The following ZCCHC7 variants were observed in gnomAD, a reference collection of about 807,000 sequenced individuals.
ZCCHC7 encodes zinc finger CCHC-type containing 7, also known as zinc finger CCHC domain-containing protein 7.
ZCCHC7 carries 35 observed loss-of-function variants against 52.0 expected under a neutral mutation model. The ratio of observed to expected loss-of-function variants is 0.67; its 90% CI spans 0.51 to 0.89. The LOEUF is 0.89. Ranked by LOEUF, ZCCHC7 falls within the 40% of genes least tolerant of loss-of-function variation. The pLI is 0.00. For missense variants in ZCCHC7, 574 were observed against 649.1 expected (o/e 0.88, Z 1.26); for synonymous variants, 217 against 221.5 (o/e 0.98, Z 0.18).
chr9:37,253,872 A>G (rs150804472), intron 2 of ZCCHC7, among the ~76,000 whole-genome samples: 19 of 152,112 alleles, frequency 1.2e-4, no homozygotes, highest in Non-Finnish European at 1.5e-4. Flanking sequence ...TCCTATCAAC[A>G]TATATTTTAA....
chr9:37,227,937 T>C (rs1028051263), intron 2 of ZCCHC7, among the ~76,000 whole-genome samples: 1 of 152,184 alleles, frequency 6.6e-6, no homozygotes, highest in East Asian at 1.9e-4. Context: ...CTGGGATTAC[T>C]GGTGCACACC....
chr9:37,290,828 T>TA (rs1828500524), intron 2 of ZCCHC7, among the ~76,000 whole-genome samples: 2 of 152,236 alleles, frequency 1.3e-5, no homozygotes, highest in South Asian at 4.1e-4. Context: ...CCTCCTGCCA[T>TA]ATCTTGAAAA....
At chr9:37,278,576 T>C (rs939398061) in intron 2 of ZCCHC7, among the ~76,000 whole-genome samples, 2 of 152,110 alleles carry the variant, frequency 1.3e-5, no homozygotes, top group Non-Finnish European at 2.9e-5. Context: ...GGGCCAAAAA[T>C]ATATTTAAAG....
chr9:37,288,535 A>G (rs1828375192), intron 2 of ZCCHC7, among the ~76,000 whole-genome samples: 1 of 151,926 alleles, frequency 6.6e-6, no homozygotes, highest in Non-Finnish European at 1.5e-5. Context: ...ATCATCAAAC[A>G]TTTGTCTATA....
chr9:37,320,054 A>G (rs748851066), intron 5 of ZCCHC7, among the ~76,000 whole-genome samples: 1 of 152,174 alleles, frequency 6.6e-6, no homozygotes, highest in Non-Finnish European at 1.5e-5. Context: ...GTCTTAAAAT[A>G]CATAGTGAGA....
chr9:37,120,416 A>C (rs548247377), upstream of ZCCHC7: 41 of 392,808 alleles, frequency 1.0e-4, no homozygotes, highest in African/African-American at 2.1e-4. Flanking sequence ...GGGGCAGAGA[A>C]CGGTTCGCAC....
At chr9:37,339,686 T>C (rs1173064455) in intron 6 of ZCCHC7, among the ~76,000 whole-genome samples, 2 of 152,212 alleles carry the variant, frequency 1.3e-5, no homozygotes, top group African/African-American at 4.8e-5. Context: ...AGGTATTTAA[T>C]ATATTTGCTT....
chr9:37,226,349 A>T (rs1273483805), intron 2 of ZCCHC7, among the ~76,000 whole-genome samples: 1 of 152,142 alleles, frequency 6.6e-6, no homozygotes, highest in Non-Finnish European at 1.5e-5. Flanking sequence ...TAAGGTTGCA[A>T]TTTTTTCCAG....
At chr9:37,186,967 CATTCTAAAA>C (rs1399271166) in intron 2 of ZCCHC7, 6 of 276,250 alleles carry the variant, frequency 2.2e-5, no homozygotes, top group African/African-American at 1.3e-4. Context: ...AATATCTTGT[CATTCTAAAA>C]TAAGTAAAAA....
In ZCCHC7 at chr9:37,278,943, G is replaced by T. The variant is rs372988441; in HGVS notation, c.611-23245G>T. The stretch of plus-strand genomic sequence containing the variant: ...TCACACCTGTAATCCCAGCATTTTG[G>T]GAGGCCACACGGCAGGTGGATCACT... On this transcript the variant is annotated intron_variant, in intron 2 of 8. Coordinates refer to ENST00000336755, the MANE Select transcript of ZCCHC7 (RefSeq NM_032226.3). Among the ~76,000 whole-genome samples the T allele has an allele frequency of 7.2e-5, 11 of 152,252 alleles. No homozygotes were observed. In the South Asian group the frequency reaches 1.9e-3, roughly 26 times the overall value.
chr9:37,249,314 A>G (rs563231642), intron 2 of ZCCHC7, among the ~76,000 whole-genome samples: 1 of 152,026 alleles, frequency 6.6e-6, no homozygotes, highest in East Asian at 1.9e-4. Context: ...TATTCTCAAC[A>G]CTTGATCCTA....
intron 7 of ZCCHC7, among the ~76,000 whole-genome samples, chr9:37,352,564 G>T (rs1353314041): frequency 7.5e-6 from 1 of 133,780 alleles, no homozygotes; most frequent in East Asian, 2.1e-4. Context: ...TGTTGCCCAG[G>T]CTGGAGTGCA....
Position 37,283,120 on chromosome 9 carries a change from G to T in ZCCHC7, c.611-19068G>T, listed in dbSNP as rs1395768340. On this transcript the variant is annotated intron_variant, in intron 2 of 8. Transcript: ENST00000336755. Reference sequence around the variant, plus strand: ...GTGCTCTTGATATTATATTGAGTTGGCGTAGTTGCTTGCAGTCAGTAGATA... The same window carrying T: ...GTGCTCTTGATATTATATTGAGTTGTCGTAGTTGCTTGCAGTCAGTAGATA... Among the ~76,000 whole-genome samples the T allele has an allele frequency of 2.6e-5, 4 of 151,970 alleles. No homozygotes were observed. In the East Asian group the frequency reaches 7.7e-4, roughly 29 times the overall value.
At chr9:37,236,377 TCTAC>T (rs1825649347) in intron 2 of ZCCHC7, among the ~76,000 whole-genome samples, 1 of 150,300 alleles carries the variant, frequency 6.7e-6, no homozygotes, top group Non-Finnish European at 1.5e-5. Flanking sequence ...AGGGTATTTC[TCTAC>T]CTTTTTTTTT....
rs193094145 is a variant in ZCCHC7, at chr9:37,300,148, G to A, written c.611-2040G>A. ...TTGTTAAAACAATCTGAATAGAGTCGATCTCCCTCCTTCAAACCTTCCTTT... is the reference window on the plus strand; with the variant it reads ...TTGTTAAAACAATCTGAATAGAGTCAATCTCCCTCCTTCAAACCTTCCTTT... On this transcript the variant is annotated intron_variant, in intron 2 of 8. Coordinates refer to ENST00000336755, the MANE Select transcript of ZCCHC7 (RefSeq NM_032226.3). 3.3e-5 allele frequency among the ~76,000 whole-genome samples: 5 copies of A among 152,234 alleles called. No individual in the cohort carries two copies. The East Asian group carries it at 5.8e-4, about 18-fold the overall frequency.
chr9:37,304,752 A>G (rs981669206), intron 4 of ZCCHC7, among the ~76,000 whole-genome samples: 3 of 152,188 alleles, frequency 2.0e-5, no homozygotes, highest in Non-Finnish European at 4.4e-5. Flanking sequence ...CTTACAGCCT[A>G]GTGTCGGAGA....
At chr9:37,284,181 G>GA (rs1369308236) in intron 2 of ZCCHC7, 1 of 152,120 alleles carries the variant, frequency 6.6e-6, no homozygotes, top group African/African-American at 2.4e-5. Context: ...AAAAAAAAGA[G>GA]AGAGAGAGAG....
chr9:37,164,498 T>TAGATAGAC lies in ZCCHC7; in HGVS notation c.610+37559_610+37560insTAGACAGA, dbSNP rs755789110. On this transcript the variant is annotated intron_variant, in intron 2 of 8. Coordinates refer to ENST00000336755, the MANE Select transcript of ZCCHC7 (RefSeq NM_032226.3). ...ATAGATAGATAGATAGATAGATAGATAGACAGACAAGATAGATAGACTCTG... is the reference window on the plus strand; with the variant it reads ...ATAGATAGATAGATAGATAGATAGATAGATAGACAGACAGACAAGATAGATAGACTCTG... Among the ~76,000 whole-genome samples, 989 of 134,908 alleles carry TAGATAGAC rather than the reference T, an allele frequency of 7.3e-3. 13 individuals are homozygous for TAGATAGAC. The highest frequency in any genetic ancestry group is 0.02 in the East Asian group (96 of 4,718). The allele number at this position is 134,908 out of a possible 152,430, so 88.5% of individuals were successfully genotyped here. A position where few individuals can be genotyped will look rare whatever the true frequency, so the allele number is the denominator to read the frequency against.
At chr9:37,335,180 A>G (rs1404042141) in intron 6 of ZCCHC7, among the ~76,000 whole-genome samples, 1 of 152,136 alleles carries the variant, frequency 6.6e-6, no homozygotes, top group African/African-American at 2.4e-5. Flanking sequence ...TTGTTTATAC[A>G]ATATCAATTT....
Sources: gnomAD v4.1 joint callset for allele counts (sites outside exome capture counted in the v4.1 genomes callset) on GRCh38, gnomAD v4.1.1 for gene constraint, MANE v1.5 for transcripts, NCBI Gene and HGNC (gene_info 2026-07-23, HGNC 2026-07-21) for gene names.